Variants in MGRN1 observed in about 807,000 individuals in gnomAD.
MGRN1 encodes the protein E3 ubiquitin-protein ligase MGRN1.
A neutral mutation model predicts 69.2 loss-of-function variants in MGRN1; 29 were observed. The observed-to-expected ratio is 0.42, with a 90% CI of 0.31 to 0.57. The LOEUF (loss-of-function observed/expected upper bound fraction) is 0.57. MGRN1 is among the 20% of genes least tolerant of loss of function. MGRN1 has a pLI of 0.15. For missense variants in MGRN1, 998 were observed against 796.2 expected (o/e 1.25, Z -3.05); for synonymous variants, 470 against 344.2 (o/e 1.37, Z -4.04).
intron 16 of MGRN1, chr16:4,686,308 G>C: frequency 1.3e-6 from 2 of 1,544,790 alleles, no homozygotes; most frequent in South Asian, 1.2e-5. Context: ...AAGCCGGTAC[G>C]TGACCTCCCA....
intron 1 of MGRN1, among the ~76,000 whole-genome samples, chr16:4,644,759 T>C (rs2078239695): frequency 6.6e-6 from 1 of 152,222 alleles, no homozygotes; most frequent in African/African-American, 2.4e-5. Flanking sequence ...ACCTCACAAC[T>C]TACGTCCTTC....
At chr16:4,654,286 T>G (rs1434059368) in intron 4 of MGRN1, among the ~76,000 whole-genome samples, 2 of 152,190 alleles carry the variant, frequency 1.3e-5, no homozygotes, top group Non-Finnish European at 2.9e-5. Flanking sequence ...GCACCCCTGT[T>G]GCTGAGGAAA....
At chr16:4,662,751 C>T (rs746364743) in intron 5 of MGRN1, among the ~76,000 whole-genome samples, 1 of 152,228 alleles carries the variant, frequency 6.6e-6, no homozygotes, top group African/African-American at 2.4e-5. Flanking sequence ...CCCTGCCCTG[C>T]TTCCGCTGCC....
intron 16 of MGRN1, chr16:4,687,726 G>A (rs1018109889): frequency 6.9e-5 from 68 of 985,368 alleles, no homozygotes; most frequent in Non-Finnish European, 7.6e-5. Flanking sequence ...CTGGTCTGCC[G>A]AGGCCCATGC....
chr16:4,643,342 C>T (rs1393167284), intron 1 of MGRN1, among the ~76,000 whole-genome samples: 4 of 151,956 alleles, frequency 2.6e-5, no homozygotes, highest in Non-Finnish European at 4.4e-5. Context: ...GTGAACCTCC[C>T]ACCTTGGCCT....
chr16:4,668,402 C>T, intron 8 of MGRN1, 90 bp downstream of exon 8: 1 of 1,345,684 alleles, frequency 7.4e-7, no homozygotes, highest in South Asian at 1.2e-5. Context: ...GACACACACT[C>T]ATACACACGC....
chr16:4,670,859 C>G (rs1478468271), intron 8 of MGRN1, among the ~76,000 whole-genome samples: 1 of 152,346 alleles, frequency 6.6e-6, no homozygotes, highest in East Asian at 1.9e-4. Flanking sequence ...GGCCCATGGT[C>G]TCTGGGAAAC....
chr16:4,643,599 C>G (rs565250287), intron 1 of MGRN1, among the ~76,000 whole-genome samples: 2 of 151,676 alleles, frequency 1.3e-5, no homozygotes, highest in East Asian at 3.9e-4. Context: ...GTCTCCATCT[C>G]CTGACCTCGT....
chr16:4,685,303 A>C (rs1374784225), intron 16 of MGRN1, among the ~76,000 whole-genome samples: 2 of 152,254 alleles, frequency 1.3e-5, no homozygotes, highest in Non-Finnish European at 2.9e-5. Context: ...GGAGCATCTC[A>C]GAGGCTGCGC....
intron 9 of MGRN1, 152 bp from the exon 10 acceptor site, chr16:4,673,346 T>C (rs1446687264): frequency 9.5e-7 from 1 of 1,053,878 alleles, no homozygotes; most frequent in African/African-American, 1.6e-5. Context: ...GTGATTCTGC[T>C]CTGGGGCAAC....
rs151183733 is a variant in MGRN1, at chr16:4,668,194, A to T, written c.679-71A>T. The T allele has an allele frequency of 3.3e-3, 4,613 of 1,379,986 alleles. 147 individuals are homozygous for T. In the African/African-American group the frequency reaches 0.061, roughly 18 times the overall value. 85.5% of individuals were successfully genotyped at this position (1,379,986 alleles called of 1,614,324 possible). A position where few individuals can be genotyped will look rare whatever the true frequency, so the allele number is the denominator to read the frequency against. On this transcript the variant is annotated intron_variant, in intron 7 of 16. Transcript: ENST00000262370. ...TTGGCTGGGGCAGGGTGGCCAACCCAGGCGGCCACGCAGGGGTGCTCAGAG... is the reference window on the plus strand; with the variant it reads ...TTGGCTGGGGCAGGGTGGCCAACCCTGGCGGCCACGCAGGGGTGCTCAGAG...
At position 4,676,077 on chromosome 16, in the gene MGRN1, C is replaced by T. The variant is rs768553955; in HGVS notation, c.956-1386C>T. 2.1e-4 allele frequency among the ~76,000 whole-genome samples: 32 copies of T among 152,220 alleles called. 1 individual carries two copies. Among genetic ancestry groups the T allele is most frequent in the South Asian group, 2.1e-4 (1 of 4,832 alleles). ...TAGGCCAGCAGACCTCCAAGCCGGG[C>T]GTGGGGCTGTGCGAGGATGCTGGTC... is the stretch of plus-strand genomic sequence containing the variant. On this transcript the variant is annotated intron_variant, in intron 10 of 16. Coordinates refer to ENST00000262370, the MANE Select transcript of MGRN1 (RefSeq NM_015246.4).
intron 1 of MGRN1, among the ~76,000 whole-genome samples, chr16:4,638,798 C>T (rs529313632): frequency 9.2e-5 from 14 of 152,210 alleles, no homozygotes; most frequent in African/African-American, 1.9e-4. Context: ...GTGAGCTGTT[C>T]GGAGCCCCTG....
At chr16:4,667,087 G>A (rs1055468126) in intron 7 of MGRN1, among the ~76,000 whole-genome samples, 15 of 152,240 alleles carry the variant, frequency 9.9e-5, no homozygotes, top group Admixed American at 2.0e-4. Context: ...CTAGGAGTCG[G>A]AGGGGGAAAG....
intron 1 of MGRN1, among the ~76,000 whole-genome samples, chr16:4,631,833 T>G: frequency 6.6e-6 from 1 of 152,052 alleles, no homozygotes; most frequent in East Asian, 1.9e-4. Flanking sequence ...ATTGCTGTCT[T>G]TACAGTGCTG....
At chr16:4,630,104 C>A (rs940714242) in intron 1 of MGRN1, among the ~76,000 whole-genome samples, 3 of 147,312 alleles carry the variant, frequency 2.0e-5, no homozygotes, top group African/African-American at 7.6e-5. Flanking sequence ...GTAATCCTAG[C>A]ACTTTGGGAG....
At chr16:4,626,450 G>T (rs1043543876) in intron 1 of MGRN1, among the ~76,000 whole-genome samples, 1 of 152,198 alleles carries the variant, frequency 6.6e-6, no homozygotes, top group African/African-American at 2.4e-5. Context: ...GGTCGAGGTT[G>T]CTTAACCCCC....
chr16:4,653,316 C>T (rs1596283413), intron 4 of MGRN1, among the ~76,000 whole-genome samples: 1 of 152,140 alleles, frequency 6.6e-6, no homozygotes, highest in South Asian at 2.1e-4. Flanking sequence ...GTGGGGCGCA[C>T]CACCTTCCTC....
chr16:4,661,234 C>T (rs1264765077), intron 5 of MGRN1, among the ~76,000 whole-genome samples: 2 of 152,102 alleles, frequency 1.3e-5, no homozygotes, highest in Non-Finnish European at 2.9e-5. Context: ...GTACCTCGGC[C>T]TCCCAGAGTG....
Sources: allele counts gnomAD v4.1 joint callset (sites outside exome capture counted in the v4.1 genomes callset), GRCh38; gene constraint gnomAD v4.1.1; transcripts MANE v1.5; gene names NCBI Gene and HGNC (gene_info 2026-07-23, HGNC 2026-07-21).